MAD1L1: variants seen among roughly 807,000 people sequenced by gnomAD.
The protein encoded by MAD1L1 is mitotic spindle assembly checkpoint protein MAD1.
MAD1L1 carries 95 observed loss-of-function variants against 96.9 expected under a neutral mutation model. The ratio of observed to expected loss-of-function variants is 0.98; its 90% CI spans 0.83 to 1.16. The LOEUF (loss-of-function observed/expected upper bound fraction) is 1.16. Ranked by LOEUF, MAD1L1 falls within the 50% of genes most tolerant of loss-of-function variation. The pLI, the probability that MAD1L1 is intolerant of heterozygous loss-of-function variation, is 0.00. For synonymous variants in MAD1L1, 473 were observed against 396.6 expected (o/e 1.19, Z -2.29); for missense variants, 1,007 against 954.4 (o/e 1.06, Z -0.73).
chr7:1,896,717 G>GC (rs1182479808), intron 18 of MAD1L1, among the ~76,000 whole-genome samples: 1 of 152,216 alleles, frequency 6.6e-6, no homozygotes, highest in Non-Finnish European at 1.5e-5. Context: ...TGTGGAGGGT[G>GC]CCCCAAGGTT....
chr7:2,181,732 C>T (rs1791208339), intron 10 of MAD1L1, among the ~76,000 whole-genome samples: 1 of 152,280 alleles, frequency 6.6e-6, no homozygotes, highest in Non-Finnish European at 1.5e-5. Context: ...CGCATGTTCA[C>T]AGCAGCACAA....
intron 18 of MAD1L1, among the ~76,000 whole-genome samples, chr7:1,824,720 T>G (rs4455739): frequency 0.42 from 63,686 of 151,942 alleles, 13,511 homozygotes; most frequent in Non-Finnish European, 0.46. Flanking sequence ...GCTTGTAGAA[T>G]ACACCTGCTC....
At chr7:1,859,131 C>T (rs563710418) in intron 18 of MAD1L1, among the ~76,000 whole-genome samples, 82 of 152,184 alleles carry the variant, frequency 5.4e-4, no homozygotes, top group African/African-American at 1.8e-3. Context: ...CAACCCCACA[C>T]GCAGGAGGGC....
intron 16 of MAD1L1, 144 bp downstream of exon 16, chr7:1,957,485 G>A: frequency 1.2e-6 from 1 of 804,238 alleles, no homozygotes; most frequent in Non-Finnish European, 2.0e-6. Flanking sequence ...GCCAGGCAAG[G>A]GGGTGCACAT....
In MAD1L1 at chr7:2,055,098, G is replaced by A. The variant is rs6964178; in HGVS notation, c.1218+14096C>T. 5.3e-5 allele frequency among the ~76,000 whole-genome samples: 8 copies of A among 152,312 alleles called. No individual in the cohort carries two copies. In the South Asian group the frequency reaches 6.2e-4, roughly 12 times the overall value. ...CGGGGGCAGCAGAGACAGAGGAAGC[G>A]GGGCCAAGCCTCCCTCCAGGCACTA... On this transcript the variant is annotated intron_variant, in intron 12 of 18. Coordinates refer to ENST00000265854, the MANE Select transcript of MAD1L1 (RefSeq NM_001013836.2).
chr7:2,065,044 G>C (rs994867983), intron 12 of MAD1L1, among the ~76,000 whole-genome samples: 1 of 152,230 alleles, frequency 6.6e-6, no homozygotes, highest in Middle Eastern at 3.2e-3. Context: ...GAGAGCAGAG[G>C]CTTCTTTCAG....
chr7:2,048,976 G>A (rs1784052546), intron 12 of MAD1L1, among the ~76,000 whole-genome samples: 1 of 152,166 alleles, frequency 6.6e-6, no homozygotes. Flanking sequence ...TGTGTAGCAG[G>A]GTGACTTTTA....
At chr7:2,094,942 C>T (rs564519182) in intron 11 of MAD1L1, among the ~76,000 whole-genome samples, 2 of 152,290 alleles carry the variant, frequency 1.3e-5, no homozygotes, top group Non-Finnish European at 1.5e-5. Context: ...ATAATTTGTG[C>T]AGCTCTCTAT....
chr7:1,852,537 C>T (rs1002937977), intron 18 of MAD1L1, among the ~76,000 whole-genome samples: 79 of 152,276 alleles, frequency 5.2e-4, no homozygotes, highest in African/African-American at 1.8e-3. Context: ...CTGGCCCGAC[C>T]GCCGCCATCT....
chr7:2,100,448 G>A (rs1280290982), intron 11 of MAD1L1, among the ~76,000 whole-genome samples: 1 of 152,226 alleles, frequency 6.6e-6, no homozygotes, highest in Non-Finnish European at 1.5e-5. Context: ...CAATGCTGGT[G>A]CCTTGCTCTG....
intron 10 of MAD1L1, among the ~76,000 whole-genome samples, chr7:2,181,401 G>A (rs1469351359): frequency 6.6e-6 from 1 of 152,152 alleles, no homozygotes; most frequent in Non-Finnish European, 1.5e-5. Context: ...TTAGCCATGA[G>A]AAATACAAAT....
chr7:2,078,046 A>C (rs768363334), intron 11 of MAD1L1, among the ~76,000 whole-genome samples: 1 of 152,198 alleles, frequency 6.6e-6, no homozygotes, highest in African/African-American at 2.4e-5. Flanking sequence ...CCTTGCTAAG[A>C]GGGAACACCG....
chr7:2,178,898 A>G (rs1272648252), intron 10 of MAD1L1, among the ~76,000 whole-genome samples: 11 of 151,680 alleles, frequency 7.3e-5, no homozygotes, highest in South Asian at 6.2e-4. Context: ...CAAAAAAAAA[A>G]AAAAGAAAAG....
intron 11 of MAD1L1, among the ~76,000 whole-genome samples, chr7:2,120,811 C>T (rs1787941959): frequency 6.6e-6 from 1 of 152,202 alleles, no homozygotes; most frequent in Non-Finnish European, 1.5e-5. Context: ...ACTCGGGGGA[C>T]AGCAGGGCCT....
chr7:1,964,608 T>C (rs1206070648), intron 15 of MAD1L1, among the ~76,000 whole-genome samples: 3 of 152,256 alleles, frequency 2.0e-5, no homozygotes, highest in Non-Finnish European at 2.9e-5. Context: ...CATAAGCTTC[T>C]TGAAATTGAC....
rs1328927134 is a variant in MAD1L1, at chr7:2,088,071, G to T, written c.1074-18733C>A. ...GAGAGTTAGAGAAGAAGAAGACTGG[G>T]ACTCGGACCACACTGACTTCTCCCC... On this transcript the variant is annotated intron_variant, in intron 11 of 18. Transcript: ENST00000265854. This position sits in a 1 kb window ranked among gnomAD's most constrained non-coding sequence, Gnocchi z 4.4. 2.6e-5 allele frequency among the ~76,000 whole-genome samples: 4 copies of T among 152,182 alleles called. No homozygotes were observed. Among genetic ancestry groups the T allele is most frequent in the Non-Finnish European group, 5.9e-5 (4 of 68,044 alleles).
chr7:1,992,619 G>A (rs555082858), intron 14 of MAD1L1, among the ~76,000 whole-genome samples: 1 of 152,214 alleles, frequency 6.6e-6, no homozygotes, highest in East Asian at 1.9e-4. Flanking sequence ...GCCTTTTTAG[G>A]ACATCTGAGG....
At chr7:1,856,319 G>A (rs1257704883) in intron 18 of MAD1L1, among the ~76,000 whole-genome samples, 3 of 152,216 alleles carry the variant, frequency 2.0e-5, no homozygotes, top group African/African-American at 7.2e-5. Flanking sequence ...GGCTGAAGAC[G>A]TGGGGCCACG....
intron 18 of MAD1L1, among the ~76,000 whole-genome samples, chr7:1,822,727 A>AGTT (rs1280603376): frequency 3.0e-5 from 4 of 134,564 alleles, no homozygotes; most frequent in African/African-American, 8.3e-5. Context: ...CCCGGCCAGC[A>AGTT]TTTTTTTTTT....
Sources: allele counts gnomAD v4.1 joint callset (sites outside exome capture counted in the v4.1 genomes callset), GRCh38; gene constraint gnomAD v4.1.1; non-coding constraint Gnocchi (gnomAD v3.1); transcripts MANE v1.5; gene names NCBI Gene and HGNC (gene_info 2026-07-23, HGNC 2026-07-21).